Variants in MARCHF11 observed in about 807,000 individuals in gnomAD.
MARCHF11 encodes membrane associated ring-CH-type finger 11.
Under a neutral mutation model 37.3 loss-of-function variants are expected in MARCHF11, and 29 were observed. The ratio of observed to expected loss-of-function variants is 0.78; its 90% confidence interval spans 0.58 to 1.06. The LOEUF (loss-of-function observed/expected upper bound fraction) is 1.06, where lower values mean the gene tolerates loss of function less well. Ranked by LOEUF, MARCHF11 falls within the 50% of genes least tolerant of loss-of-function variation. The probability of loss-of-function intolerance (pLI) is 0.00; values close to 1 mark genes in which losing one functional copy is unlikely to be tolerated. For synonymous variants in MARCHF11, 233 were observed against 228.0 expected (o/e 1.02, Z -0.20); for missense variants, 482 against 533.4 (o/e 0.90, Z 0.95).
chr5:16,129,924 A>C (rs943260361), intron 2 of MARCHF11, among the ~76,000 whole-genome samples: 1 of 152,210 alleles, frequency 6.6e-6, no homozygotes, highest in African/African-American at 2.4e-5. Context: ...ACATAAATAA[A>C]AAATTTTAAA....
At chr5:16,079,444 A>G (rs1169994949) in intron 3 of MARCHF11, among the ~76,000 whole-genome samples, 1 of 152,204 alleles carries the variant, frequency 6.6e-6, no homozygotes, top group Non-Finnish European at 1.5e-5. Context: ...TTGAGGGGAA[A>G]GGCAAGGTTG....
intron 2 of MARCHF11, among the ~76,000 whole-genome samples, chr5:16,124,411 C>T (rs964452214): frequency 3.3e-5 from 5 of 152,280 alleles, no homozygotes; most frequent in African/African-American, 7.2e-5. Context: ...CAGCTCCAGA[C>T]AACGGTTCAA....
At chr5:16,140,997 T>C (rs1379923623) in intron 2 of MARCHF11, 4 of 152,334 alleles carry the variant, frequency 2.6e-5, no homozygotes, top group Admixed American at 6.5e-5. Flanking sequence ...AATTGTTCTT[T>C]CTTTTTTCCT....
chr5:16,087,711 G>A (rs554039629), intron 3 of MARCHF11, among the ~76,000 whole-genome samples: 1 of 151,910 alleles, frequency 6.6e-6, no homozygotes, highest in African/African-American at 2.4e-5. Context: ...AACTCAAAAC[G>A]TTAATAGCAA....
intron 3 of MARCHF11, among the ~76,000 whole-genome samples, chr5:16,078,932 C>G (rs1480721897): frequency 6.6e-6 from 1 of 152,154 alleles, no homozygotes; most frequent in Non-Finnish European, 1.5e-5. Context: ...CCTACAGCCT[C>G]TCTTCTGGAA....
At chr5:16,160,217 T>C (rs1036700576) in intron 2 of MARCHF11, among the ~76,000 whole-genome samples, 1 of 146,600 alleles carries the variant, frequency 6.8e-6, no homozygotes, top group Non-Finnish European at 1.5e-5. Context: ...GCCAGAGATG[T>C]TATAATTATC....
chr5:16,174,018 T>C (rs1285368882), intron 2 of MARCHF11, among the ~76,000 whole-genome samples: 1 of 152,250 alleles, frequency 6.6e-6, no homozygotes. Context: ...ATAGAAAGTT[T>C]AAAATTTCAC....
intron 2 of MARCHF11, among the ~76,000 whole-genome samples, chr5:16,111,047 T>A (rs780365957): frequency 5.3e-5 from 8 of 152,228 alleles, no homozygotes; most frequent in Admixed American, 1.3e-4. Context: ...GCCTTTCACC[T>A]TCTGCCATGA....
chr5:16,169,278 G>T (rs1258871912), intron 2 of MARCHF11, among the ~76,000 whole-genome samples: 1 of 151,828 alleles, frequency 6.6e-6, no homozygotes, highest in Non-Finnish European at 1.5e-5. Flanking sequence ...CCTCACCCCC[G>T]ACACCCCATG....
chr5:16,179,300 G>A lies in MARCHF11; in HGVS notation c.276C>T (p.Ala92=). Residue 92 remains alanine, a synonymous_variant, in exon 1 of 4, where the codon GCC becomes GCT. Coordinates refer to ENST00000332432, the MANE Select transcript of MARCHF11 (RefSeq NM_001102562.3). ...LPPPPLPLQP[A]GQEVAAAGDS... is the part of the protein sequence containing the mutation. The stretch of plus-strand genomic sequence containing the variant: ...CGCCGGCCGCCGCCACTTCCTGGCC[G>A]GCGGGCTGCAGGGGCAGGGGCGGAG... 4 of 1,274,982 alleles carry A rather than the reference G, an allele frequency of 3.1e-6. No individual in the cohort carries two copies. The highest frequency in any genetic ancestry group is 3.0e-6 in the Non-Finnish European group (3 of 1,012,096). The allele number at this position is 1,274,982 out of a possible 1,614,324, so 79.0% of individuals were successfully genotyped here. A position where few individuals can be genotyped will look rare whatever the true frequency, so the allele number is the denominator to read the frequency against.
intron 3 of MARCHF11, among the ~76,000 whole-genome samples, chr5:16,069,470 T>C (rs893069324): frequency 6.6e-6 from 1 of 152,158 alleles, no homozygotes; most frequent in Non-Finnish European, 1.5e-5. Flanking sequence ...GCTCAACATA[T>C]TATTCTGTGT....
intron 3 of MARCHF11, 120 bp from the exon 4 acceptor site, chr5:16,067,913 C>A: frequency 1.1e-6 from 1 of 870,646 alleles, no homozygotes; most frequent in Non-Finnish European, 1.7e-6. Context: ...AGCAAAAATA[C>A]AGTATTCTGT....
intron 2 of MARCHF11, among the ~76,000 whole-genome samples, chr5:16,128,608 A>G (rs1374651579): frequency 1.3e-5 from 2 of 152,214 alleles, no homozygotes; most frequent in Admixed American, 6.5e-5. Context: ...ACGTGATTCT[A>G]AGCTGGTGTG....
rs187726237 is a variant in MARCHF11 at position 16,077,073 on chromosome 5, A to G, written c.887-9280T>C. On this transcript the variant is annotated intron_variant, in intron 3 of 3. Transcript: ENST00000332432. ...GGCAACCTTCACAATTTATGAATAT[A>G]AATAACTCTGCAACCTCTGATTCAA... is the stretch of plus-strand genomic sequence containing the variant. 3.6e-3 allele frequency among the ~76,000 whole-genome samples: 546 copies of G among 152,340 alleles called. 1 individual carries two copies. The highest frequency in any genetic ancestry group is 6.3e-3 in the Admixed American group (96 of 15,304).
chr5:16,121,750 A>C (rs1737312475), intron 2 of MARCHF11, among the ~76,000 whole-genome samples: 1 of 152,174 alleles, frequency 6.6e-6, no homozygotes, highest in South Asian at 2.1e-4. Context: ...ATAGATCCAA[A>C]AATCAAAGCT....
chr5:16,090,283 C>T (rs763877467), intron 3 of MARCHF11, among the ~76,000 whole-genome samples: 2 of 152,108 alleles, frequency 1.3e-5, no homozygotes, highest in Admixed American at 1.3e-4. Context: ...AAAGGAAACA[C>T]CGAAGTAACG....
At chr5:16,101,292 C>T (rs998130574) in intron 2 of MARCHF11, among the ~76,000 whole-genome samples, 1 of 152,120 alleles carries the variant, frequency 6.6e-6, no homozygotes, top group African/African-American at 2.4e-5. Context: ...AGGAGAGTGG[C>T]GTGAACCCCG....
chr5:16,086,042 C>T (rs761703313), intron 3 of MARCHF11, among the ~76,000 whole-genome samples: 3 of 143,938 alleles, frequency 2.1e-5, no homozygotes, highest in Non-Finnish European at 4.5e-5. Flanking sequence ...TCATGTAAAA[C>T]GATGTCCTTT....
At chr5:16,098,496 G>A (rs908657084) in intron 2 of MARCHF11, among the ~76,000 whole-genome samples, 1 of 152,156 alleles carries the variant, frequency 6.6e-6, no homozygotes, top group Non-Finnish European at 1.5e-5. Flanking sequence ...GCAGAGTGTG[G>A]TGGCTCACAC....
Sources: allele counts gnomAD v4.1 joint callset (sites outside exome capture counted in the v4.1 genomes callset), GRCh38; gene constraint gnomAD v4.1.1; transcripts MANE v1.5; gene names NCBI Gene and HGNC (gene_info 2026-07-23, HGNC 2026-07-21).